The following DDI2 variants were observed in gnomAD, a reference collection of about 807,000 sequenced individuals.
DDI2 encodes the protein DDI proteasomal shuttling factor 2, also known as protein DDI1 homolog 2.
A neutral mutation model predicts 48.1 loss-of-function variants in DDI2; 5 were observed. The observed-to-expected ratio is 0.10, with a 90% confidence interval of 0.05 to 0.22. The LOEUF (loss-of-function observed/expected upper bound fraction) is 0.22. DDI2 is among the 10% of genes least tolerant of loss of function. DDI2 has a pLI of 1.00. For synonymous variants in DDI2, 205 were observed against 183.6 expected, an observed-to-expected ratio of 1.12 and a Z score of -0.94; for missense variants, 285 against 506.2, an observed-to-expected ratio of 0.56 and a Z score of 4.19.
chr1:15,638,872 G>A (rs1639965415), intron 5 of DDI2, among the ~76,000 whole-genome samples: 1 of 152,060 alleles, frequency 6.6e-6, no homozygotes, highest in Non-Finnish European at 1.5e-5. Context: ...GTTGGTATTA[G>A]GTTTCTTTCT....
At chr1:15,647,173 A>G (rs1640105296) in intron 6 of DDI2, among the ~76,000 whole-genome samples, 1 of 151,102 alleles carries the variant, frequency 6.6e-6, no homozygotes, top group African/African-American at 2.4e-5. Flanking sequence ...TTTGAAACAG[A>G]GTCTCACTCT....
At chr1:15,619,421 C>T (rs898715415) in intron 1 of DDI2, among the ~76,000 whole-genome samples, 3 of 150,286 alleles carry the variant, frequency 2.0e-5, no homozygotes, top group South Asian at 2.1e-4. Context: ...CCACCGTTCC[C>T]GGACAACTCT....
At chr1:15,647,428 CGTG>C (rs1406218245) in intron 6 of DDI2, among the ~76,000 whole-genome samples, 16 of 152,206 alleles carry the variant, frequency 1.1e-4, no homozygotes, top group African/African-American at 2.9e-4. Context: ...GGATTACAGG[CGTG>C]AGCTGCTGCG....
At chr1:15,626,411 C>G (rs1466334531) in intron 1 of DDI2, among the ~76,000 whole-genome samples, 1 of 152,118 alleles carries the variant, frequency 6.6e-6, no homozygotes, top group East Asian at 1.9e-4. Context: ...AGAGAAACAG[C>G]CCTGAAGGGG....
At chr1:15,644,577 A>ATTT (rs1640057243) in intron 6 of DDI2, among the ~76,000 whole-genome samples, 1 of 117,702 alleles carries the variant, frequency 8.5e-6, no homozygotes, top group African/African-American at 3.3e-5. Context: ...TTTTCTTTTC[A>ATTT]GTTTTTTTTG....
chr1:15,621,538 C>G (rs945221866), intron 1 of DDI2, among the ~76,000 whole-genome samples: 1 of 151,934 alleles, frequency 6.6e-6, no homozygotes, highest in African/African-American at 2.4e-5. Flanking sequence ...GTGTATGCTA[C>G]GACATATGAC....
chr1:15,622,811 G>T (rs1639689068), intron 1 of DDI2, among the ~76,000 whole-genome samples: 1 of 152,144 alleles, frequency 6.6e-6, no homozygotes, highest in African/African-American at 2.4e-5. Flanking sequence ...TAAACAAAAA[G>T]AAATCAGTTC....
At chr1:15,634,934 T>C (rs114704342) in intron 4 of DDI2, among the ~76,000 whole-genome samples, 379 of 152,262 alleles carry the variant, frequency 2.5e-3, no homozygotes, top group African/African-American at 8.7e-3. Flanking sequence ...TCCTGCCTCT[T>C]ACTCTTCTTA....
rs1007712080 is a variant in DDI2 at position 15,666,011 on chromosome 1, A to G, written c.*6221A>G. 9 of 152,236 alleles carry G rather than the reference A, an allele frequency of 5.9e-5. No individual in the cohort carries two copies. Among genetic ancestry groups the G allele is most frequent in the African/African-American group, 2.2e-4 (9 of 41,466 alleles). The allele number at this position is 152,236 out of a possible 1,614,324, so 9.4% of individuals were successfully genotyped here. On this transcript the variant is annotated 3_prime_UTR_variant, in exon 10 of 10. Coordinates refer to ENST00000480945, the MANE Select transcript of DDI2 (RefSeq NM_032341.5). ...GGCTGACCTAGAAAGACACAGAGTT[A>G]TCAAGAGTTTCCCTTCCTAGAAGAT...
Position 15,656,372 on chromosome 1 carries a change from A to G in DDI2, c.1184-245A>G, listed in dbSNP as rs1479446578. The stretch of plus-strand genomic sequence containing the variant: ...CCGTGAATTCTCTATGTGTAGAAAC[A>G]AAATTAATTTCTTTACAAGATCTAT... On this transcript the variant is annotated intron_variant, in intron 8 of 9. Transcript: ENST00000480945. The G allele has an allele frequency of 4.4e-6, 6 of 1,367,584 alleles. No individual in the cohort carries two copies. The East Asian group carries it at 1.7e-4, about 39-fold the overall frequency. 84.7% of individuals were successfully genotyped at this position (1,367,584 alleles called of 1,614,324 possible).
rs147540527 is a variant in DDI2, at chr1:15,651,725, A to G, written c.1013A>G (p.Lys338Arg). 52 of 1,608,204 alleles carry G rather than the reference A, an allele frequency of 3.2e-5. No homozygotes were observed. The African/African-American group carries it at 6.7e-4, about 21-fold the overall frequency. Residue 338 changes from lysine (K) to arginine (R), a missense_variant, in exon 8 of 10, where the codon AAA becomes AGA. This residue lies in a region of DDI2 where 66 missense variants were observed against 87.3 expected (regional missense o/e 0.76). Coordinates refer to ENST00000480945, the MANE Select transcript of DDI2 (RefSeq NM_032341.5). ...KRHQCSIDLK[K>R]NVLVIGTTGS... ...TCCAAGTGTTCCATCGACCTGAAGAAAAATGTACTCGTGATCGGCACCACA... is the reference window on the plus strand; with the variant it reads ...TCCAAGTGTTCCATCGACCTGAAGAGAAATGTACTCGTGATCGGCACCACA...
intron 4 of DDI2, among the ~76,000 whole-genome samples, chr1:15,636,001 T>A (rs1447086703): frequency 6.6e-6 from 1 of 152,248 alleles, no homozygotes; most frequent in Non-Finnish European, 1.5e-5. Context: ...CTTTCATATT[T>A]GCCTAAAGGA....
chr1:15,654,773 C>T (rs77730049), intron 8 of DDI2, among the ~76,000 whole-genome samples: 169 of 151,958 alleles, frequency 1.1e-3, no homozygotes, highest in African/African-American at 3.8e-3. Context: ...GAATTTTGAA[C>T]AACCAGACAG....
chr1:15,663,618 C>G lies in DDI2; in HGVS notation c.*3828C>G, dbSNP rs1246180526. On this transcript the variant is annotated 3_prime_UTR_variant, in exon 10 of 10. Coordinates refer to ENST00000480945, the MANE Select transcript of DDI2 (RefSeq NM_032341.5). ...CCCTACACCAAAGATGTACGATGCA[C>G]TAGGAAACTGCTCATAGGATTTCTG... 1.3e-5 allele frequency: 2 copies of G among 152,184 alleles called. No individual in the cohort carries two copies. Among genetic ancestry groups the G allele is most frequent in the Non-Finnish European group, 2.9e-5 (2 of 68,042 alleles). The allele number at this position is 152,184 out of a possible 1,614,324, so 9.4% of individuals were successfully genotyped here.
Position 15,666,012 on chromosome 1 carries a change from T to C in DDI2, c.*6222T>C, listed in dbSNP as rs1401227836. On this transcript the variant is annotated 3_prime_UTR_variant, in exon 10 of 10. Transcript: ENST00000480945. ...GCTGACCTAGAAAGACACAGAGTTATCAAGAGTTTCCCTTCCTAGAAGATG... is the reference window on the plus strand; with the variant it reads ...GCTGACCTAGAAAGACACAGAGTTACCAAGAGTTTCCCTTCCTAGAAGATG... 1 of 152,236 alleles carries C rather than the reference T, an allele frequency of 6.6e-6. No individual in the cohort carries two copies. Among genetic ancestry groups the C allele is most frequent in the Non-Finnish European group, 1.5e-5 (1 of 68,038 alleles). 9.4% of individuals were successfully genotyped at this position (152,236 alleles called of 1,614,324 possible). A position where few individuals can be genotyped will look rare whatever the true frequency, so the allele number is the denominator to read the frequency against.
chr1:15,619,634 TG>T, intron 1 of DDI2, among the ~76,000 whole-genome samples: 1 of 151,756 alleles, frequency 6.6e-6, no homozygotes, highest in Non-Finnish European at 1.5e-5. Flanking sequence ...ACTCATTTTT[TG>T]TATTTTTAGT....
chr1:15,637,851 C>G (rs1422214594), intron 4 of DDI2, among the ~76,000 whole-genome samples: 1 of 151,948 alleles, frequency 6.6e-6, no homozygotes, highest in Non-Finnish European at 1.5e-5. Flanking sequence ...TTAGAAAACC[C>G]AGTCCTGGAG....
chr1:15,641,860 C>G, intron 5 of DDI2, among the ~76,000 whole-genome samples: 1 of 148,592 alleles, frequency 6.7e-6, no homozygotes, highest in Non-Finnish European at 1.5e-5. Context: ...GAGGCTGAGG[C>G]AGGAGAATCG....
intron 6 of DDI2, among the ~76,000 whole-genome samples, chr1:15,645,714 T>C (rs1243382058): frequency 6.6e-6 from 1 of 151,964 alleles, no homozygotes; most frequent in Non-Finnish European, 1.5e-5. Context: ...ACAAAAAATT[T>C]TTTTAAATAG....
Sources: gnomAD v4.1 joint callset for allele counts (sites outside exome capture counted in the v4.1 genomes callset) on GRCh38, gnomAD v4.1.1 for gene constraint, gnomAD v4.1.1 regional missense constraint, MANE v1.5 for transcripts, NCBI Gene and HGNC (gene_info 2026-07-23, HGNC 2026-07-21) for gene names.